Variants in SYCP2L observed in about 807,000 individuals in gnomAD.
The protein encoded by SYCP2L is synaptonemal complex protein 2-like.
SYCP2L carries 98 observed loss-of-function variants against 125.8 expected under a neutral mutation model. The ratio of observed to expected loss-of-function variants is 0.78; its 90% CI spans 0.66 to 0.92. SYCP2L has a LOEUF of 0.92. Ranked by LOEUF, SYCP2L falls within the 40% of genes least tolerant of loss-of-function variation. The probability of loss-of-function intolerance (pLI) is 0.00; values close to 1 mark genes in which losing one functional copy is unlikely to be tolerated. For missense variants in SYCP2L, 842 were observed against 936.4 expected, an observed-to-expected ratio of 0.90 and a Z score of 1.32; for synonymous variants, 317 against 325.4, an observed-to-expected ratio of 0.97 and a Z score of 0.28.
intron 23 of SYCP2L, among the ~76,000 whole-genome samples, chr6:10,944,096 A>G (rs1781269890): frequency 6.6e-6 from 1 of 152,220 alleles, no homozygotes. Context: ...TAAAATATGT[A>G]TACCTTTAAC....
At chr6:10,911,154 C>G (rs1780600163) in intron 12 of SYCP2L, among the ~76,000 whole-genome samples, 1 of 152,136 alleles carries the variant, frequency 6.6e-6, no homozygotes, top group Non-Finnish European at 1.5e-5. Context: ...TCATTTTACC[C>G]TATTCATGGG....
At chr6:10,937,807 T>G (rs1295248928) in intron 21 of SYCP2L, among the ~76,000 whole-genome samples, 1 of 152,108 alleles carries the variant, frequency 6.6e-6, no homozygotes, top group East Asian at 1.9e-4. Flanking sequence ...ACAAATTGGA[T>G]AACCTAGAAG....
At chr6:10,940,893 T>TC (rs901254534) in intron 21 of SYCP2L, among the ~76,000 whole-genome samples, 5 of 152,040 alleles carry the variant, frequency 3.3e-5, no homozygotes, top group Non-Finnish European at 7.4e-5. Flanking sequence ...ATCACAAGAT[T>TC]GAGGTGGAAG....
At chr6:10,914,030 T>C (rs988660140) in intron 14 of SYCP2L, among the ~76,000 whole-genome samples, 1 of 152,020 alleles carries the variant, frequency 6.6e-6, no homozygotes, top group Non-Finnish European at 1.5e-5. Context: ...ATGGGGTTTC[T>C]CCCTGTTGGT....
chr6:10,962,488 T>G (rs1350106034), intron 28 of SYCP2L, among the ~76,000 whole-genome samples: 2 of 152,144 alleles, frequency 1.3e-5, no homozygotes, highest in African/African-American at 4.8e-5. Context: ...TGGTTGGTAG[T>G]TAGTGGTTCT....
At chr6:10,909,721 A>C (rs4711128) in intron 10 of SYCP2L, among the ~76,000 whole-genome samples, 55,934 of 152,090 alleles carry the variant, frequency 0.37, 11,691 homozygotes, top group Admixed American at 0.52. Flanking sequence ...TAATACACCC[A>C]GATCACAGTT....
At chr6:10,888,316 C>G (rs960406054) in intron 1 of SYCP2L, among the ~76,000 whole-genome samples, 29 of 152,042 alleles carry the variant, frequency 1.9e-4, no homozygotes, top group African/African-American at 6.7e-4. Flanking sequence ...AGGATGGTCT[C>G]TGTCTCTTGA....
chr6:10,933,434 T>A (rs1311979459), intron 20 of SYCP2L, among the ~76,000 whole-genome samples: 3 of 152,190 alleles, frequency 2.0e-5, no homozygotes, highest in Non-Finnish European at 4.4e-5. Context: ...CTAGTGGCCA[T>A]CACAATGACC....
chr6:10,957,333 T>G (rs184141445), intron 25 of SYCP2L, among the ~76,000 whole-genome samples: 246 of 152,308 alleles, frequency 1.6e-3, no homozygotes, highest in African/African-American at 5.8e-3. Flanking sequence ...GAATTGTGGT[T>G]TGTATTTATA....
At chr6:10,956,000 T>TCCAGGCAG in intron 24 of SYCP2L, 136 bp from the exon 25 acceptor site, 1 of 648,952 alleles carries the variant, frequency 1.5e-6, no homozygotes, top group South Asian at 1.9e-5. Flanking sequence ...CGAGGTCATG[T>TCCAGGCAG]CCAGGCAGTC....
intron 1 of SYCP2L, 60 bp downstream of exon 1, chr6:10,887,195 C>CG: frequency 1.9e-6 from 3 of 1,608,822 alleles, no homozygotes; most frequent in Non-Finnish European, 2.6e-6. Context: ...CGCGAGGGCG[C>CG]GGGGTCCCTG....
At chr6:10,963,137 T>G (rs1040719713) in intron 28 of SYCP2L, among the ~76,000 whole-genome samples, 5 of 152,212 alleles carry the variant, frequency 3.3e-5, no homozygotes, top group African/African-American at 4.8e-5. Flanking sequence ...TGCATTCATC[T>G]CCCTTTGATA....
At chr6:10,944,515 T>C (rs2113383945) in intron 23 of SYCP2L, among the ~76,000 whole-genome samples, 1 of 152,236 alleles carries the variant, frequency 6.6e-6, no homozygotes, top group Middle Eastern at 3.4e-3. Context: ...AATCAAAGCT[T>C]TTAATTTTAA....
chr6:10,893,756 A>G (rs1340820629), intron 2 of SYCP2L, 111 bp from the exon 3 acceptor site: 3 of 1,131,030 alleles, frequency 2.7e-6, no homozygotes, highest in Non-Finnish European at 3.8e-6. Flanking sequence ...TTCTATATTT[A>G]CCCTATATTA....
intron 6 of SYCP2L, 26 bp from the exon 7 acceptor site, chr6:10,902,651 T>C (rs745357943): frequency 3.8e-6 from 6 of 1,594,452 alleles, no homozygotes; most frequent in African/African-American, 2.7e-5. Flanking sequence ...AAACATAAAT[T>C]TGATGCTTTG....
chr6:10,967,454 G>GGGGTGTGT (rs56098075), intron 29 of SYCP2L, among the ~76,000 whole-genome samples: 9,659 of 138,814 alleles, frequency 0.07, 465 homozygotes, highest in East Asian at 0.14. Flanking sequence ...TGGGGTAGAG[G>GGGGTGTGT]GTGTGTGTGT....
intron 14 of SYCP2L, among the ~76,000 whole-genome samples, chr6:10,914,742 T>G (rs1408018089): frequency 1.4e-5 from 2 of 146,932 alleles, no homozygotes; most frequent in South Asian, 2.2e-4. Flanking sequence ...CCCTAAGTTT[T>G]TTTTTTTTTT....
rs748236337 is a variant in SYCP2L, at chr6:10,907,637, G to T, written c.772G>T (p.Val258Phe). ...TGTCCATAAATGGTTTGATGATGAA[G>T]TCATTGCTGAAGCTTTCAAAGAAAT... ...ELVHKWFDDE[V>F]IAEAFKEIKD... Residue 258 changes from valine (V) to phenylalanine (F), a missense_variant, in exon 10 of 30, where the codon GTC (valine) becomes TTC (phenylalanine). Coordinates refer to ENST00000283141, the MANE Select transcript of SYCP2L (RefSeq NM_001040274.3). The T allele has an allele frequency of 1.9e-6, 3 of 1,613,868 alleles. No individual in the cohort carries two copies. The highest frequency in any genetic ancestry group is 1.7e-6 in the Non-Finnish European group (2 of 1,179,958).
chr6:10,925,156 G>T (rs906244029), intron 15 of SYCP2L, among the ~76,000 whole-genome samples: 2 of 152,184 alleles, frequency 1.3e-5, no homozygotes, highest in Non-Finnish European at 2.9e-5. Context: ...TTACATGGCG[G>T]CAGGCAAGAG....
Sources: allele counts gnomAD v4.1 joint callset (sites outside exome capture counted in the v4.1 genomes callset), GRCh38; gene constraint gnomAD v4.1.1; transcripts MANE v1.5; gene names NCBI Gene and HGNC (gene_info 2026-07-23, HGNC 2026-07-21).